EFL1: variants seen among roughly 807,000 people sequenced by gnomAD.
EFL1 encodes the protein elongation factor-like GTPase 1.
A neutral mutation model predicts 126.7 loss-of-function variants in EFL1; 76 were observed. The observed-to-expected ratio is 0.60, with a 90% CI of 0.50 to 0.73. The LOEUF (loss-of-function observed/expected upper bound fraction) is 0.73. EFL1 is among the 30% of genes least tolerant of loss of function. The pLI, the probability that EFL1 is intolerant of heterozygous loss-of-function variation, is 0.00. For synonymous variants in EFL1, 410 were observed against 448.4 expected (o/e 0.91, Z 1.08); for missense variants, 1,128 against 1,343.2 (o/e 0.84, Z 2.50).
intron 15 of EFL1, among the ~76,000 whole-genome samples, chr15:82,184,932 T>C (rs1355030015): frequency 6.6e-6 from 1 of 152,212 alleles, no homozygotes; most frequent in Non-Finnish European, 1.5e-5. Context: ...GTAGTGTGAA[T>C]AGTAAGTCCA....
At chr15:82,162,977 G>A (rs1044495845) in intron 16 of EFL1, among the ~76,000 whole-genome samples, 6 of 152,204 alleles carry the variant, frequency 3.9e-5, no homozygotes, top group Non-Finnish European at 5.9e-5. Flanking sequence ...CAGTGATTCA[G>A]GATTAGCAAT....
chr15:82,199,922 G>A (rs538673865), intron 15 of EFL1, among the ~76,000 whole-genome samples: 45 of 152,124 alleles, frequency 3.0e-4, no homozygotes, highest in Non-Finnish European at 5.3e-4. Flanking sequence ...AATTATTAAA[G>A]CTAAAAGTGA....
chr15:82,249,314 G>A (rs2075000648), intron 4 of EFL1, among the ~76,000 whole-genome samples: 1 of 151,286 alleles, frequency 6.6e-6, no homozygotes, highest in Middle Eastern at 3.5e-3. Context: ...TATATACATT[G>A]AAATATACAT....
chr15:82,235,674 TAAG>T (rs1436172812), intron 7 of EFL1, among the ~76,000 whole-genome samples: 1 of 151,784 alleles, frequency 6.6e-6, no homozygotes, highest in Non-Finnish European at 1.5e-5. Context: ...TTCAGAAAAA[TAAG>T]AATATTAGGG....
At chr15:82,133,963 T>C (rs958325903) in intron 19 of EFL1, among the ~76,000 whole-genome samples, 10 of 152,172 alleles carry the variant, frequency 6.6e-5, no homozygotes, top group African/African-American at 2.4e-4. Context: ...GTGAACGTGG[T>C]GTGAGGGTCA....
At chr15:82,191,100 G>A (rs938270134) in intron 15 of EFL1, among the ~76,000 whole-genome samples, 30 of 151,282 alleles carry the variant, frequency 2.0e-4, no homozygotes, top group African/African-American at 7.3e-4. Flanking sequence ...GATATTTAAA[G>A]AAAACTCACA....
chr15:82,205,177 T>G lies in EFL1; in HGVS notation c.1750+9540A>C, dbSNP rs556811037. On this transcript the variant is annotated intron_variant, in intron 15 of 19. Coordinates refer to ENST00000268206, the MANE Select transcript of EFL1 (RefSeq NM_024580.6). ...GAAGCCCCAAATCATGAATAGCCTA[T>G]AGTCCCTCTGGCACTTTACTCAAGA... Among the ~76,000 whole-genome samples the G allele has an allele frequency of 5.9e-5, 9 of 152,340 alleles. No homozygotes were observed. The South Asian group carries it at 1.7e-3, about 28-fold the overall frequency.
At chr15:82,168,262 G>A (rs1295951939) in intron 15 of EFL1, among the ~76,000 whole-genome samples, 6 of 152,122 alleles carry the variant, frequency 3.9e-5, no homozygotes, top group African/African-American at 9.7e-5. Flanking sequence ...GAATCCACAC[G>A]CTTTATAACT....
intron 8 of EFL1, 146 bp from the exon 9 acceptor site, chr15:82,229,256 G>A: frequency 1.5e-6 from 1 of 657,646 alleles, no homozygotes; most frequent in Non-Finnish European, 2.6e-6. Context: ...GTAGTTATAA[G>A]AATGCACTAA....
chr15:82,248,915 G>A (rs1041305309), intron 4 of EFL1, among the ~76,000 whole-genome samples: 3 of 151,770 alleles, frequency 2.0e-5, no homozygotes, highest in Admixed American at 1.3e-4. Flanking sequence ...CACCATGTCA[G>A]GAACTAATAA....
intron 18 of EFL1, among the ~76,000 whole-genome samples, chr15:82,146,444 T>C (rs1238263002): frequency 6.6e-6 from 1 of 152,038 alleles, no homozygotes; most frequent in African/African-American, 2.4e-5. Context: ...TTGAAGGTGT[T>C]GATTTAGAAA....
In EFL1 at chr15:82,225,277, G is replaced by A. The variant is rs534960189; in HGVS notation, c.1193-13C>T. 18 of 1,508,868 alleles carry A rather than the reference G, an allele frequency of 1.2e-5. No homozygotes were observed. The Admixed American group carries it at 2.2e-4, about 19-fold the overall frequency. 93.5% of individuals were successfully genotyped at this position (1,508,868 alleles called of 1,614,324 possible). A position where few individuals can be genotyped will look rare whatever the true frequency, so the allele number is the denominator to read the frequency against. On this transcript the variant is annotated splice_polypyrimidine_tract_variant and intron_variant, in intron 11 of 19. Transcript: ENST00000268206. ...CATTTCATAAAAGCTAAACAAATAG[G>A]AAGTAAAAATGTCACTATTTTTCCC...
chr15:82,262,433 C>T (rs1016893345), intron 1 of EFL1, 181 bp downstream of exon 1: 1 of 184,956 alleles, frequency 5.4e-6, no homozygotes, highest in Non-Finnish European at 1.1e-5. Context: ...ATCCTGGGTC[C>T]ACACAGACAG....
intron 15 of EFL1, among the ~76,000 whole-genome samples, chr15:82,177,838 T>C (rs1013754242): frequency 1.3e-5 from 2 of 152,146 alleles, no homozygotes; most frequent in African/African-American, 4.8e-5. Context: ...GCTCACATCA[T>C]GGGAAATATT....
intron 4 of EFL1, among the ~76,000 whole-genome samples, chr15:82,251,872 C>G (rs2075024735): frequency 6.6e-6 from 1 of 152,158 alleles, no homozygotes; most frequent in African/African-American, 2.4e-5. Flanking sequence ...AAAATTTTCA[C>G]ATACTACAAA....
chr15:82,169,958 T>C (rs989035183), intron 15 of EFL1, among the ~76,000 whole-genome samples: 20 of 152,050 alleles, frequency 1.3e-4, no homozygotes, highest in African/African-American at 4.6e-4. Flanking sequence ...CATCTTATAA[T>C]AGGAAAAGTA....
intron 11 of EFL1, among the ~76,000 whole-genome samples, chr15:82,227,219 G>C (rs1281912465): frequency 6.6e-6 from 1 of 152,186 alleles, no homozygotes; most frequent in Middle Eastern, 3.2e-3. Context: ...TGTACAAGTC[G>C]CTGGTCTCAC....
In EFL1 at chr15:82,151,777, C is replaced by G. The variant is rs745884761; in HGVS notation, c.2677G>C (p.Val893Leu). 2.0e-5 allele frequency: 33 copies of G among 1,613,996 alleles called. No homozygotes were observed. Among genetic ancestry groups the G allele is most frequent in the Non-Finnish European group, 2.6e-5 (31 of 1,180,030 alleles). ...CEEPLMGVCF[V>L]LEKWDLSKFE... ...TTACTTAGGTCCCATTTTTCCAGAA[C>G]AAAACAGACACCCATGAGAGGCTCC... is the stretch of plus-strand genomic sequence containing the variant. Residue 893 changes from valine (V) to leucine (L), a missense_variant, in exon 18 of 20, where the codon GTT becomes CTT. By Grantham distance (32) the Val-to-Leu change is conservative (BLOSUM62 1). This residue lies in a region of EFL1 where 561 missense variants were observed against 641.7 expected (regional missense o/e 0.87). Coordinates refer to ENST00000268206, the MANE Select transcript of EFL1 (RefSeq NM_024580.6).
At chr15:82,156,338 G>C (rs942225052) in intron 17 of EFL1, among the ~76,000 whole-genome samples, 1 of 152,130 alleles carries the variant, frequency 6.6e-6, no homozygotes, top group African/African-American at 2.4e-5. Context: ...CCAGGCTACA[G>C]TGCAGTGGTG....
Sources: allele counts gnomAD v4.1 joint callset (sites outside exome capture counted in the v4.1 genomes callset), GRCh38; gene constraint gnomAD v4.1.1; regional missense constraint gnomAD v4.1.1; transcripts MANE v1.5; gene names NCBI Gene and HGNC (gene_info 2026-07-23, HGNC 2026-07-21).